The following JAK2 variants were observed in gnomAD, a reference collection of about 807,000 sequenced individuals.
The protein encoded by JAK2 is tyrosine-protein kinase JAK2.
A neutral mutation model predicts 139.3 loss-of-function variants in JAK2; 86 were observed. The ratio of observed to expected loss-of-function variants is 0.62; its 90% CI spans 0.52 to 0.74. The LOEUF (loss-of-function observed/expected upper bound fraction) is 0.74. Ranked by LOEUF, JAK2 falls within the 30% of genes least tolerant of loss-of-function variation. The pLI is 0.00. For missense variants in JAK2, 1,421 were observed against 1,360.3 expected, an observed-to-expected ratio of 1.04 and a Z score of -0.70; for synonymous variants, 490 against 437.7, an observed-to-expected ratio of 1.12 and a Z score of -1.49.
At position 5,069,132 on chromosome 9, in the gene JAK2, T is replaced by C. The variant is rs199577021; in HGVS notation, c.1437T>C (p.Asn479=). The stretch of plus-strand genomic sequence containing the variant: ...TCAGCAGTCTTAAAGATCTTTTGAA[T>C]TGTTACCAGATGGAAACTGTTCGCT... The part of the protein sequence containing the change: ...KNFSSLKDLL[N]CYQMETVRSD... Residue 479 remains asparagine, a synonymous_variant, in exon 11 of 25, where the codon AAT becomes AAC. Transcript: ENST00000381652. 2.5e-6 allele frequency: 4 copies of C among 1,613,234 alleles called. No homozygotes were observed. In the East Asian group the frequency reaches 6.7e-5, roughly 27 times the overall value.
chr9:4,987,885 G>T (rs982344097), intron 2 of JAK2, among the ~76,000 whole-genome samples: 1 of 152,156 alleles, frequency 6.6e-6, no homozygotes, highest in Non-Finnish European at 1.5e-5. Context: ...CTACTATCAC[G>T]GCTGGGAGGC....
At chr9:5,071,108 CAT>C (rs1404643190) in intron 12 of JAK2, among the ~76,000 whole-genome samples, 2 of 152,160 alleles carry the variant, frequency 1.3e-5, no homozygotes, top group Non-Finnish European at 2.9e-5. Flanking sequence ...ATTTGGGCTT[CAT>C]TATACTACCT....
At chr9:5,113,068 C>G (rs1406222881) in intron 22 of JAK2, among the ~76,000 whole-genome samples, 2 of 152,062 alleles carry the variant, frequency 1.3e-5, no homozygotes, top group African/African-American at 4.8e-5. Context: ...TCCCTGGGAC[C>G]CCGGCTCACC....
chr9:5,006,577 T>C (rs368837457), intron 2 of JAK2, among the ~76,000 whole-genome samples: 153 of 152,234 alleles, frequency 1.0e-3, no homozygotes, highest in African/African-American at 3.5e-3. Flanking sequence ...CCTCAGGAAA[T>C]TTACAATCAT....
intron 14 of JAK2, among the ~76,000 whole-genome samples, chr9:5,075,094 A>G (rs982274501): frequency 5.9e-5 from 9 of 152,182 alleles, no homozygotes; most frequent in Non-Finnish European, 1.2e-4. Context: ...CTTAAATTCT[A>G]TGAAGGCTGA....
intron 4 of JAK2, among the ~76,000 whole-genome samples, chr9:5,038,686 C>G (rs1816259160): frequency 6.6e-6 from 1 of 151,014 alleles, no homozygotes; most frequent in Non-Finnish European, 1.5e-5. Context: ...CTGAAATGCT[C>G]TGATGAATAT....
At chr9:5,101,604 AGT>A (rs1821494144) in intron 22 of JAK2, among the ~76,000 whole-genome samples, 1 of 152,250 alleles carries the variant, frequency 6.6e-6, no homozygotes, top group Non-Finnish European at 1.5e-5. Context: ...CTGTAGCCTA[AGT>A]GGGAGACACC....
At chr9:5,042,298 C>A (rs1057020636) in intron 4 of JAK2, among the ~76,000 whole-genome samples, 1 of 151,546 alleles carries the variant, frequency 6.6e-6, no homozygotes, top group East Asian at 1.9e-4. Flanking sequence ...CCACCGCGCC[C>A]GGCTAATTTT....
intron 22 of JAK2, chr9:5,111,100 C>CAGA: frequency 8.2e-7 from 1 of 1,223,700 alleles, no homozygotes; most frequent in South Asian, 1.3e-5. Flanking sequence ...CAGCGGCGAC[C>CAGA]AGAACAGCTC....
At chr9:5,112,981 A>C (rs1399416394) in intron 22 of JAK2, 1 of 189,000 alleles carries the variant, frequency 5.3e-6, no homozygotes. Context: ...GCCAACACCG[A>C]CCTGATGAGG....
At chr9:5,111,200 G>C in intron 22 of JAK2, 1 of 643,452 alleles carries the variant, frequency 1.6e-6, no homozygotes, top group Non-Finnish European at 2.8e-6. Context: ...CTGGGACCGG[G>C]ACTCGGAGGC....
intron 22 of JAK2, among the ~76,000 whole-genome samples, chr9:5,095,897 C>T (rs1021306375): frequency 5.3e-5 from 8 of 152,176 alleles, no homozygotes; most frequent in African/African-American, 1.9e-4. Flanking sequence ...AGTATAAGCA[C>T]TACAACCCTG....
intron 22 of JAK2, chr9:5,112,713 G>A (rs1032048255): frequency 4.0e-5 from 33 of 828,532 alleles, no homozygotes; most frequent in East Asian, 9.1e-5. Flanking sequence ...GTGCGAGAGC[G>A]GAACCTGAAT....
Position 5,126,726 on chromosome 9 carries a change from C to G in JAK2, c.3334C>G (p.Gln1112Glu), listed in dbSNP as rs748829715. The G allele has an allele frequency of 2.5e-6, 4 of 1,611,048 alleles. No homozygotes were observed. Among genetic ancestry groups the G allele is most frequent in the Non-Finnish European group, 3.4e-6 (4 of 1,177,792 alleles). The stretch of plus-strand genomic sequence containing the variant: ...AGAATGCTGGAACAATAATGTAAAT[C>G]AACGCCCCTCCTTTAGGGATCTAGC... The part of the protein sequence containing the change: ...MTECWNNNVN[Q>E]RPSFRDLALR... Residue 1112 changes from glutamine (Q) to glutamate (E), a missense_variant, in exon 25 of 25, where the codon CAA (glutamine) becomes GAA (glutamate). Gln to Glu is a conservative substitution (Grantham distance 29). Coordinates refer to ENST00000381652, the MANE Select transcript of JAK2 (RefSeq NM_004972.4).
intron 9 of JAK2, among the ~76,000 whole-genome samples, chr9:5,066,378 T>C (rs1333899677): frequency 6.6e-6 from 1 of 152,140 alleles, no homozygotes; most frequent in Admixed American, 6.5e-5. Flanking sequence ...TTTAAAAATA[T>C]TAACTTTGTA....
chr9:5,034,563 T>C (rs1214699384), intron 4 of JAK2, among the ~76,000 whole-genome samples: 4 of 151,052 alleles, frequency 2.6e-5, no homozygotes, highest in African/African-American at 7.3e-5. Flanking sequence ...GCAATCAAAC[T>C]AGAACTCAGG....
intron 3 of JAK2, among the ~76,000 whole-genome samples, chr9:5,027,974 T>C (rs993258188): frequency 6.6e-6 from 1 of 152,198 alleles, no homozygotes; most frequent in Non-Finnish European, 1.5e-5. Context: ...ATCAGCTTCT[T>C]CCAAACTCCT....
chr9:5,063,958 C>T (rs932376906), intron 8 of JAK2, among the ~76,000 whole-genome samples: 5 of 152,168 alleles, frequency 3.3e-5, no homozygotes, highest in Non-Finnish European at 7.4e-5. Flanking sequence ...GAATTTGAGA[C>T]CAGCCTGGCC....
chr9:5,059,942 G>C (rs1033240857), intron 8 of JAK2, among the ~76,000 whole-genome samples: 2 of 152,046 alleles, frequency 1.3e-5, no homozygotes, highest in African/African-American at 4.8e-5. Context: ...TAAGTCTTTT[G>C]TAGGATGTTT....
Sources: gnomAD v4.1 joint callset for allele counts (sites outside exome capture counted in the v4.1 genomes callset) on GRCh38, gnomAD v4.1.1 for gene constraint, MANE v1.5 for transcripts, NCBI Gene and HGNC (gene_info 2026-07-23, HGNC 2026-07-21) for gene names.